Variants in KCNIP4 observed in about 807,000 individuals in gnomAD.
KCNIP4 encodes potassium voltage-gated channel interacting protein 4, also known as Kv channel-interacting protein 4.
In KCNIP4, 12 loss-of-function variants were observed where a neutral mutation model predicts 34.0. That is an observed-to-expected ratio of 0.35 (90% CI 0.23 to 0.57). KCNIP4 has a LOEUF of 0.57. KCNIP4 is among the 20% of genes least tolerant of loss of function. The probability of loss-of-function intolerance (pLI) is 0.83; values close to 1 mark genes in which losing one functional copy is unlikely to be tolerated. For missense variants in KCNIP4, 238 were observed against 311.7 expected (o/e 0.76, Z 1.78); for synonymous variants, 124 against 102.2 (o/e 1.21, Z -1.29).
intron 1 of KCNIP4, among the ~76,000 whole-genome samples, chr4:21,317,389 C>T (rs1224289102): frequency 6.6e-6 from 1 of 152,030 alleles, no homozygotes; most frequent in Non-Finnish European, 1.5e-5. Context: ...AATAATTTCT[C>T]CATGGGTCTC....
intron 1 of KCNIP4, among the ~76,000 whole-genome samples, chr4:21,875,356 T>C (rs766683505): frequency 3.3e-5 from 5 of 152,194 alleles, no homozygotes; most frequent in Non-Finnish European, 7.3e-5. Flanking sequence ...CAGGATTTGA[T>C]TAATTCTGGA....
At chr4:21,129,489 CTT>C (rs1750896270) in intron 1 of KCNIP4, among the ~76,000 whole-genome samples, 1 of 152,210 alleles carries the variant, frequency 6.6e-6, no homozygotes, top group African/African-American at 2.4e-5. Context: ...GAAAACAAAA[CTT>C]CAGATCTCTC....
intron 1 of KCNIP4, among the ~76,000 whole-genome samples, chr4:21,153,932 G>T (rs34722890): frequency 6.6e-6 from 1 of 151,454 alleles, no homozygotes; most frequent in South Asian, 2.1e-4. Context: ...CACCCACACC[G>T]TAACTCAAGG....
intron 1 of KCNIP4, among the ~76,000 whole-genome samples, chr4:21,663,955 T>C (rs1190838872): frequency 1.3e-5 from 2 of 152,056 alleles, no homozygotes; most frequent in East Asian, 3.9e-4. Flanking sequence ...TTTTGTTTCT[T>C]TTTTTTTGAG....
At chr4:21,389,547 G>A (rs1028817166) in intron 1 of KCNIP4, among the ~76,000 whole-genome samples, 5 of 145,084 alleles carry the variant, frequency 3.4e-5, no homozygotes, top group African/African-American at 1.3e-4. Context: ...GTGAGAACAT[G>A]CGGTGTTTGG....
chr4:21,615,275 T>C (rs561156522), intron 1 of KCNIP4, among the ~76,000 whole-genome samples: 1 of 152,110 alleles, frequency 6.6e-6, no homozygotes, highest in South Asian at 2.1e-4. Context: ...GCGCGGTGGC[T>C]CACGCCTGTA....
chr4:21,779,821 G>A (rs1046415412), intron 1 of KCNIP4, among the ~76,000 whole-genome samples: 12 of 151,908 alleles, frequency 7.9e-5, no homozygotes, highest in Non-Finnish European at 5.9e-5. Context: ...GTCCCAGCCT[G>A]TCGGGAGGCT....
intron 1 of KCNIP4, among the ~76,000 whole-genome samples, chr4:21,151,186 T>C (rs1034822749): frequency 2.0e-5 from 3 of 152,138 alleles, no homozygotes; most frequent in African/African-American, 7.2e-5. Context: ...TAGCTTGTCA[T>C]AGGAGGTGGA....
intron 1 of KCNIP4, among the ~76,000 whole-genome samples, chr4:20,976,924 C>T (rs1349524845): frequency 1.3e-5 from 2 of 152,036 alleles, no homozygotes; most frequent in Non-Finnish European, 2.9e-5. Context: ...TCCTCCACCT[C>T]CTGGGTTCAA....
In KCNIP4 at chr4:21,645,038, T is replaced by C. The variant is rs945077244; in HGVS notation, c.61+303533A>G. 2.6e-5 allele frequency among the ~76,000 whole-genome samples: 4 copies of C among 152,186 alleles called. No individual in the cohort carries two copies. The South Asian group carries it at 8.3e-4, about 32-fold the overall frequency. ...TACTATTTGCCAGATGTTGTATTAATATTACCTTCTTTATTCACAGAAATA... is the reference window on the plus strand; with the variant it reads ...TACTATTTGCCAGATGTTGTATTAACATTACCTTCTTTATTCACAGAAATA... On this transcript the variant is annotated intron_variant, in intron 1 of 8. Transcript: ENST00000382152.
At chr4:21,822,225 A>T (rs1722396541) in intron 1 of KCNIP4, among the ~76,000 whole-genome samples, 1 of 152,194 alleles carries the variant, frequency 6.6e-6, no homozygotes, top group Non-Finnish European at 1.5e-5. Context: ...ATGCTTTCAG[A>T]AAATTAAATG....
In KCNIP4 at chr4:21,232,652, T is replaced by G. The variant is rs1005255891; in HGVS notation, c.62-349943A>C. 2.0e-4 allele frequency among the ~76,000 whole-genome samples: 30 copies of G among 152,162 alleles called. 1 individual carries two copies. The highest frequency in any genetic ancestry group is 1.0e-4 in the Non-Finnish European group (7 of 68,036). On this transcript the variant is annotated intron_variant, in intron 1 of 8. Coordinates refer to ENST00000382152, the MANE Select transcript of KCNIP4 (RefSeq NM_025221.6). ...ATTGCTGATGAAATTATAGAAGAAT[T>G]TATTTCATTCATTTATTCATATGTT...
chr4:20,744,511 G>T (rs544084391), intron 5 of KCNIP4, among the ~76,000 whole-genome samples: 3 of 151,828 alleles, frequency 2.0e-5, no homozygotes, highest in African/African-American at 7.3e-5. Context: ...GCAAACTATC[G>T]CAAGGACAGA....
chr4:21,180,913 TA>T (rs528921926), intron 1 of KCNIP4, among the ~76,000 whole-genome samples: 1 of 152,108 alleles, frequency 6.6e-6, no homozygotes, highest in Non-Finnish European at 1.5e-5. Context: ...AAAAAATACT[TA>T]AAAGTTTATA....
chr4:21,681,830 G>A (rs1750381349), intron 1 of KCNIP4, among the ~76,000 whole-genome samples: 1 of 151,996 alleles, frequency 6.6e-6, no homozygotes, highest in Non-Finnish European at 1.5e-5. Flanking sequence ...ACATGACAGA[G>A]CAAAAGCAGA....
At chr4:21,328,726 G>A (rs1355732562) in intron 1 of KCNIP4, among the ~76,000 whole-genome samples, 2 of 152,214 alleles carry the variant, frequency 1.3e-5, no homozygotes, top group African/African-American at 4.8e-5. Flanking sequence ...GCCAGGGCCT[G>A]GAGTCAGAAA....
In KCNIP4 at chr4:21,396,567, A is replaced by AAAAAAAAAAAG; in HGVS notation, c.62-513859_62-513858insCTTTTTTTTTT. 3.3e-5 allele frequency among the ~76,000 whole-genome samples: 5 copies of AAAAAAAAAAAG among 151,062 alleles called. No individual in the cohort carries two copies. In the South Asian group the frequency reaches 1.1e-3, roughly 32 times the overall value. On this transcript the variant is annotated intron_variant, in intron 1 of 8. Coordinates refer to ENST00000382152, the MANE Select transcript of KCNIP4 (RefSeq NM_025221.6). ...AAGACTCCAAAAAAAAAAAAAAAAA[A>AAAAAAAAAAAG]AGAGGATTCTGATATTTAAAGTAGA...
chr4:20,825,997 CT>C (rs79344573), intron 3 of KCNIP4, among the ~76,000 whole-genome samples: 2,677 of 143,192 alleles, frequency 0.019, 84 homozygotes, highest in African/African-American at 0.06. Context: ...AAATAGCAGA[CT>C]TTTTTTTTTT....
At chr4:20,929,939 T>C (rs1014021934) in intron 1 of KCNIP4, among the ~76,000 whole-genome samples, 8 of 152,176 alleles carry the variant, frequency 5.3e-5, no homozygotes, top group African/African-American at 1.7e-4. Flanking sequence ...AAAATGTCTG[T>C]ATTAACCAAA....
Sources: allele counts gnomAD v4.1 joint callset (sites outside exome capture counted in the v4.1 genomes callset), GRCh38; gene constraint gnomAD v4.1.1; transcripts MANE v1.5; gene names NCBI Gene and HGNC (gene_info 2026-07-23, HGNC 2026-07-21).